The following FANCI variants were observed in gnomAD, a reference collection of about 807,000 sequenced individuals.
FANCI encodes Fanconi anemia group I protein.
A neutral mutation model predicts 176.1 loss-of-function variants in FANCI; 156 were observed. That is an observed-to-expected ratio of 0.89 (90% confidence interval 0.78 to 1.01). The LOEUF (loss-of-function observed/expected upper bound fraction) is 1.01. FANCI is among the 50% of genes least tolerant of loss of function. FANCI has a pLI of 0.00. For missense variants in FANCI, 1,678 were observed against 1,534.1 expected, an observed-to-expected ratio of 1.09 and a Z score of -1.57; for synonymous variants, 613 against 541.7, an observed-to-expected ratio of 1.13 and a Z score of -1.83.
chr15:89,247,788 C>G (rs1052662448), intron 2 of FANCI, 57 bp downstream of exon 2: 103 of 1,473,026 alleles, frequency 7.0e-5, no homozygotes, highest in Non-Finnish European at 9.3e-5. Context: ...ATGACACATT[C>G]AAAGGACATG....
chr15:89,305,799 A>T, intron 31 of FANCI, 101 bp downstream of exon 31: 1 of 1,310,114 alleles, frequency 7.6e-7, no homozygotes, highest in African/African-American at 1.5e-5. Context: ...TAAATTTCTT[A>T]TTTGCCTTTA....
At chr15:89,247,835 C>G (rs2052056966) in intron 2 of FANCI, 104 bp downstream of exon 2, 4 of 859,454 alleles carry the variant, frequency 4.7e-6, no homozygotes, top group Admixed American at 1.9e-5. Context: ...TCATCTACTC[C>G]CCATTCACTG....
In FANCI at chr15:89,294,860, C is replaced by T. The variant is rs559249898; in HGVS notation, c.2457-55C>T. ...TTTCTAGAAAGCTTAATTCCATATACCAATAGCAGTAAGGGAATCTTCCTT... is the reference window on the plus strand; with the variant it reads ...TTTCTAGAAAGCTTAATTCCATATATCAATAGCAGTAAGGGAATCTTCCTT... On this transcript the variant is annotated intron_variant, in intron 23 of 37. Coordinates refer to ENST00000310775, the MANE Select transcript of FANCI (RefSeq NM_001113378.2). 5.9e-6 allele frequency: 9 copies of T among 1,516,918 alleles called. No individual in the cohort carries two copies. The South Asian group carries it at 9.7e-5, about 16-fold the overall frequency. 94.0% of individuals were successfully genotyped at this position (1,516,918 alleles called of 1,614,324 possible). A position where few individuals can be genotyped will look rare whatever the true frequency, so the allele number is the denominator to read the frequency against.
chr15:89,294,634 CA>C (rs573323704), intron 23 of FANCI, among the ~76,000 whole-genome samples: 2 of 146,572 alleles, frequency 1.4e-5, no homozygotes, highest in Admixed American at 6.7e-5. Context: ...TACAAAGGGA[CA>C]AAAAAAAACC....
At chr15:89,301,280 A>C (rs748147032) in intron 26 of FANCI, 46 bp from the exon 27 acceptor site, 1 of 1,245,858 alleles carries the variant, frequency 8.0e-7, no homozygotes, top group Non-Finnish European at 1.2e-6. Context: ...TCCTGATAGG[A>C]ACGTGTCTGC....
At chr15:89,314,228 G>A (rs2055105243) in intron 35 of FANCI, among the ~76,000 whole-genome samples, 1 of 152,124 alleles carries the variant, frequency 6.6e-6, no homozygotes, top group East Asian at 1.9e-4. Context: ...CACGTTAGGG[G>A]GAAAGATATA....
chr15:89,315,952 G>C (rs1352719879), intron 37 of FANCI, among the ~76,000 whole-genome samples: 1 of 152,178 alleles, frequency 6.6e-6, no homozygotes, highest in Non-Finnish European at 1.5e-5. Context: ...TAGCAAATCA[G>C]TAGCCCACTC....
chr15:89,316,332 C>A, intron 37 of FANCI, 65 bp from the exon 38 acceptor site: 6 of 1,481,242 alleles, frequency 4.1e-6, no homozygotes, highest in Non-Finnish European at 1.8e-6. Flanking sequence ...TTTTTTCCTT[C>A]TTTTTATTTC....
rs1157910630 is a variant in FANCI, at chr15:89,274,599, C to CTTTTTTTTTTT, written c.1112+308_1112+318dup. 5.1e-4 allele frequency among the ~76,000 whole-genome samples: 42 copies of CTTTTTTTTTTT among 82,808 alleles called. 5 individuals are homozygous for CTTTTTTTTTTT. The highest frequency in any genetic ancestry group is 9.1e-4 in the South Asian group (2 of 2,190). 54.3% of individuals were successfully genotyped at this position (82,808 alleles called of 152,430 possible). ...TCTCTATTTTCCTTTTCTTTCTTTC[C>CTTTTTTTTTTT]TTTTTTTTTTTTTTTTTTTTTTTGA... On this transcript the variant is annotated intron_variant, in intron 12 of 37. Coordinates refer to ENST00000310775, the MANE Select transcript of FANCI (RefSeq NM_001113378.2).
At chr15:89,286,465 G>C (rs756451169) in intron 18 of FANCI, among the ~76,000 whole-genome samples, 2 of 152,170 alleles carry the variant, frequency 1.3e-5, no homozygotes, top group Non-Finnish European at 2.9e-5. Flanking sequence ...TAGCATATGT[G>C]AAAACAACAT....
At chr15:89,300,809 C>G (rs1294236949) in intron 26 of FANCI, among the ~76,000 whole-genome samples, 1 of 152,172 alleles carries the variant, frequency 6.6e-6, no homozygotes, top group Non-Finnish European at 1.5e-5. Context: ...TTTTATTTAA[C>G]AAGTAATTCT....
chr15:89,307,640 C>T lies in FANCI; in HGVS notation c.3619C>T (p.Pro1207Ser). 1.9e-6 allele frequency: 3 copies of T among 1,614,118 alleles called. No homozygotes were observed. Among genetic ancestry groups the T allele is most frequent in the Non-Finnish European group, 2.5e-6 (3 of 1,180,038 alleles). ...GAAGCTGTCTGGTTCTCATCTGACC[C>T]CCCTGTGTTATTCTTTCATTTCTTA... is the stretch of plus-strand genomic sequence containing the variant. ...LVKLSGSHLT[P>S]LCYSFISYVQ... is the part of the protein sequence containing the mutation. Residue 1207 changes from proline to serine, a missense_variant, in exon 34 of 38, where the codon CCC (proline) becomes TCC (serine). Transcript: ENST00000310775.
At chr15:89,294,358 G>A (rs1043793031) in intron 23 of FANCI, among the ~76,000 whole-genome samples, 3 of 151,990 alleles carry the variant, frequency 2.0e-5, no homozygotes, top group African/African-American at 7.3e-5. Context: ...ACTGAGGTGG[G>A]TGGATCACCT....
intron 1 of FANCI, among the ~76,000 whole-genome samples, chr15:89,246,854 C>T (rs1324120727): frequency 6.7e-6 from 1 of 148,856 alleles, no homozygotes; most frequent in Non-Finnish European, 1.5e-5. Flanking sequence ...CAAGCTCCTC[C>T]TCCCGGGTTC....
At chr15:89,276,113 T>C (rs893699632) in intron 12 of FANCI, among the ~76,000 whole-genome samples, 10 of 152,238 alleles carry the variant, frequency 6.6e-5, no homozygotes, top group African/African-American at 2.2e-4. Context: ...AAAGGTTATA[T>C]TCACATTATT....
At position 89,263,340 on chromosome 15, in the gene FANCI, T is replaced by A. The variant is rs2052796384; in HGVS notation, c.504-79T>A. On this transcript the variant is annotated intron_variant, in intron 6 of 37. Coordinates refer to ENST00000310775, the MANE Select transcript of FANCI (RefSeq NM_001113378.2). The stretch of plus-strand genomic sequence containing the variant: ...AAAATCAAACTTGAATTGGCCCTGT[T>A]TTTTTGTCCTCATTAATTTTACAAA... 5 of 1,238,988 alleles carry A rather than the reference T, an allele frequency of 4.0e-6. No homozygotes were observed. The Admixed American group carries it at 5.2e-5, about 13-fold the overall frequency. 76.7% of individuals were successfully genotyped at this position (1,238,988 alleles called of 1,614,324 possible). A position where few individuals can be genotyped will look rare whatever the true frequency, so the allele number is the denominator to read the frequency against.
At position 89,252,126 on chromosome 15, in the gene FANCI, C is replaced by T. The variant is rs557184258; in HGVS notation, c.84+4395C>T. Among the ~76,000 whole-genome samples, 3 of 151,912 alleles carry T rather than the reference C, an allele frequency of 2.0e-5. No individual in the cohort carries two copies. In the South Asian group the frequency reaches 6.2e-4, roughly 32 times the overall value. ...ACCAGCCTGGCCAACATGGTGAAACCCCTTCTCTACTAAAAATATAAAAAT... is the reference window on the plus strand; with the variant it reads ...ACCAGCCTGGCCAACATGGTGAAACTCCTTCTCTACTAAAAATATAAAAAT... On this transcript the variant is annotated intron_variant, in intron 2 of 37. Transcript: ENST00000310775.
chr15:89,265,113 T>C (rs115627379), intron 9 of FANCI, among the ~76,000 whole-genome samples: 1,735 of 152,296 alleles, frequency 0.011, 30 homozygotes, highest in African/African-American at 0.04. Flanking sequence ...ATCCATAATA[T>C]ATAGATCAGA....
intron 9 of FANCI, among the ~76,000 whole-genome samples, chr15:89,266,052 A>G (rs1596252751): frequency 6.8e-6 from 1 of 147,452 alleles, no homozygotes; most frequent in South Asian, 2.1e-4. Flanking sequence ...GTTGGAGTAC[A>G]GTGGCACCAT....
Sources: allele counts gnomAD v4.1 joint callset (sites outside exome capture counted in the v4.1 genomes callset), GRCh38; gene constraint gnomAD v4.1.1; transcripts MANE v1.5; gene names NCBI Gene and HGNC (gene_info 2026-07-23, HGNC 2026-07-21).